The following MYO3B variants were observed in gnomAD, a reference collection of about 807,000 sequenced individuals.
MYO3B encodes the protein myosin IIIB.
Under a neutral mutation model 174.6 loss-of-function variants are expected in MYO3B, and 156 were observed. That is an observed-to-expected ratio of 0.89 (90% CI 0.78 to 1.02). The LOEUF is 1.02. MYO3B is among the 50% of genes least tolerant of loss of function. MYO3B has a pLI of 0.00. For missense variants in MYO3B, 1,632 were observed against 1,639.4 expected, an observed-to-expected ratio of 1.00 and a Z score of 0.08; for synonymous variants, 563 against 569.1, an observed-to-expected ratio of 0.99 and a Z score of 0.15.
chr2:170,349,797 CAAA>C (rs528799752), intron 8 of MYO3B: 4 of 94,368 alleles, frequency 4.2e-5, no homozygotes, highest in Non-Finnish European at 6.0e-5. Context: ...GACCCTGTCT[CAAA>C]AAAAAAAAAA....
chr2:170,304,537 T>G (rs1473675062), intron 7 of MYO3B, among the ~76,000 whole-genome samples: 1 of 150,410 alleles, frequency 6.6e-6, no homozygotes, highest in African/African-American at 2.4e-5. Flanking sequence ...TGACCTCAGC[T>G]CACTGCAACC....
At chr2:170,405,760 A>G in intron 21 of MYO3B, 127 bp downstream of exon 21, 1 of 764,150 alleles carries the variant, frequency 1.3e-6, no homozygotes, top group South Asian at 2.1e-5. Flanking sequence ...CTGAATACCT[A>G]ATCATAATTC....
chr2:170,415,279 C>A (rs915050799), intron 22 of MYO3B, among the ~76,000 whole-genome samples: 3 of 152,134 alleles, frequency 2.0e-5, no homozygotes, highest in Non-Finnish European at 4.4e-5. Context: ...TAAGACATAC[C>A]CATGGCTAAC....
intron 9 of MYO3B, among the ~76,000 whole-genome samples, chr2:170,378,748 G>A (rs10497363): frequency 0.047 from 7,118 of 152,298 alleles, 229 homozygotes; most frequent in Non-Finnish European, 0.07. Context: ...GAGATTGCAA[G>A]TAAGGTTTGG....
chr2:170,548,368 A>G (rs936260269), intron 32 of MYO3B, among the ~76,000 whole-genome samples: 3 of 152,152 alleles, frequency 2.0e-5, no homozygotes, highest in Non-Finnish European at 2.9e-5. Flanking sequence ...CCTAACAAAC[A>G]TCCTAGGAAT....
intron 25 of MYO3B, among the ~76,000 whole-genome samples, chr2:170,479,284 AAAAAAAT>A (rs1218597649): frequency 1.3e-3 from 188 of 149,200 alleles, no homozygotes; most frequent in Non-Finnish European, 2.1e-3. Context: ...ACTCTGTCTC[AAAAAAAT>A]AAAAAATAAA....
intron 32 of MYO3B, chr2:170,647,878 T>C (rs951203645): frequency 4.6e-5 from 7 of 152,186 alleles, no homozygotes; most frequent in African/African-American, 1.7e-4. Context: ...GTAAACACTA[T>C]ATAAATATGA....
intron 23 of MYO3B, among the ~76,000 whole-genome samples, chr2:170,452,196 TA>T (rs879449957): frequency 3.3e-3 from 469 of 141,298 alleles, no homozygotes; most frequent in African/African-American, 8.1e-3. Flanking sequence ...CCCCCAAAAG[TA>T]AAAAAAAAAA....
At chr2:170,314,981 C>T (rs1048703971) in intron 7 of MYO3B, among the ~76,000 whole-genome samples, 4 of 152,198 alleles carry the variant, frequency 2.6e-5, no homozygotes, top group Non-Finnish European at 5.9e-5. Flanking sequence ...TTGGCAGGAG[C>T]TCATTAAGTG....
At chr2:170,613,675 T>C (rs1695262189) in intron 32 of MYO3B, among the ~76,000 whole-genome samples, 1 of 152,196 alleles carries the variant, frequency 6.6e-6, no homozygotes, top group African/African-American at 2.4e-5. Context: ...GTCAGTGGGC[T>C]GGGAAAGGCA....
intron 32 of MYO3B, among the ~76,000 whole-genome samples, chr2:170,617,169 T>A (rs938421279): frequency 1.3e-5 from 2 of 152,166 alleles, no homozygotes; most frequent in African/African-American, 4.8e-5. Flanking sequence ...GCAATCACAG[T>A]AACAGCAATC....
intron 6 of MYO3B, among the ~76,000 whole-genome samples, chr2:170,232,351 C>G (rs987868061): frequency 6.6e-6 from 1 of 152,202 alleles, no homozygotes; most frequent in Non-Finnish European, 1.5e-5. Context: ...CCTGCATCCT[C>G]TTAAGAGTGC....
chr2:170,419,736 A>G (rs11687467), intron 22 of MYO3B, among the ~76,000 whole-genome samples: 36,862 of 151,940 alleles, frequency 0.24, 5,383 homozygotes, highest in Non-Finnish European at 0.32. Context: ...TGCCCCTCTC[A>G]TCCCCACTCC....
intron 25 of MYO3B, among the ~76,000 whole-genome samples, chr2:170,474,526 C>G (rs548391751): frequency 6.6e-6 from 1 of 151,258 alleles, no homozygotes; most frequent in African/African-American, 2.4e-5. Context: ...CACCTGAGGT[C>G]GGGAGTTGAA....
intron 22 of MYO3B, among the ~76,000 whole-genome samples, chr2:170,434,373 G>C (rs536977552): frequency 3.9e-5 from 6 of 152,144 alleles, no homozygotes; most frequent in African/African-American, 1.4e-4. Flanking sequence ...GCAAGGCAAG[G>C]TACTTCTGTA....
At chr2:170,193,965 T>A (rs6753319) in intron 1 of MYO3B, among the ~76,000 whole-genome samples, 8 of 151,874 alleles carry the variant, frequency 5.3e-5, no homozygotes, top group African/African-American at 1.7e-4. Flanking sequence ...AACATTTCCC[T>A]TTTGTAAACA....
chr2:170,512,116 G>GAACTTTGAACTCAAAGTTTA, intron 28 of MYO3B, among the ~76,000 whole-genome samples: 1 of 152,292 alleles, frequency 6.6e-6, no homozygotes, highest in Admixed American at 6.5e-5. Flanking sequence ...CTGGGATAAT[G>GAACTTTGAACTCAAAGTTTA]ACTGGAATTA....
At chr2:170,503,649 G>A (rs10198481) in intron 28 of MYO3B, among the ~76,000 whole-genome samples, 1 of 129,098 alleles carries the variant, frequency 7.7e-6, no homozygotes, top group Non-Finnish European at 1.7e-5. Context: ...TAAGGGTGCC[G>A]TCCTTTTTTT....
At chr2:170,650,671 A>ATT (rs1388534313) in intron 32 of MYO3B, among the ~76,000 whole-genome samples, 1 of 116,430 alleles carries the variant, frequency 8.6e-6, no homozygotes, top group African/African-American at 3.5e-5. Context: ...ATGAATTATG[A>ATT]CTTTTTTTTT....
Sources: gnomAD v4.1 joint callset for allele counts (sites outside exome capture counted in the v4.1 genomes callset) on GRCh38, gnomAD v4.1.1 for gene constraint, MANE v1.5 for transcripts, NCBI Gene and HGNC (gene_info 2026-07-23, HGNC 2026-07-21) for gene names.